Variants in CCDC25 observed in about 807,000 individuals in gnomAD.
CCDC25 encodes the protein coiled-coil domain-containing protein 25.
In CCDC25, 16 loss-of-function variants were observed where a neutral mutation model predicts 35.3. The ratio of observed to expected loss-of-function variants is 0.45; its 90% CI spans 0.31 to 0.69. CCDC25 has a LOEUF of 0.69. Among genes scored for constraint, CCDC25 ranks in the 30% least tolerant of loss-of-function variants. CCDC25 has a pLI of 0.06. For missense variants in CCDC25, 179 were observed against 250.7 expected, an observed-to-expected ratio of 0.71 and a Z score of 1.93; for synonymous variants, 79 against 80.3, an observed-to-expected ratio of 0.98 and a Z score of 0.09.
chr8:27,738,112 G>A (rs1585337859), intron 8 of CCDC25, among the ~76,000 whole-genome samples: 1 of 152,058 alleles, frequency 6.6e-6, no homozygotes, highest in East Asian at 1.9e-4. Flanking sequence ...GGGACTTAGG[G>A]GGAAGAGTGG....
chr8:27,764,801 C>T (rs543938178), intron 2 of CCDC25, among the ~76,000 whole-genome samples: 1 of 152,350 alleles, frequency 6.6e-6, no homozygotes, highest in East Asian at 1.9e-4. Context: ...TATCTCTGAT[C>T]TGTCTACTTC....
chr8:27,747,962 A>C, intron 7 of CCDC25, 115 bp downstream of exon 7: 1 of 996,494 alleles, frequency 1.0e-6, no homozygotes, highest in South Asian at 1.6e-5. Context: ...GCTTAAGCTG[A>C]GCTTGTTACA....
intron 8 of CCDC25, among the ~76,000 whole-genome samples, chr8:27,739,970 C>A (rs1182307748): frequency 6.6e-6 from 1 of 152,108 alleles, no homozygotes; most frequent in African/African-American, 2.4e-5. Context: ...CATAGGTCAC[C>A]ATCTGTTTCT....
intron 1 of CCDC25, among the ~76,000 whole-genome samples, chr8:27,771,382 C>A (rs1040520088): frequency 3.9e-5 from 6 of 152,184 alleles, no homozygotes; most frequent in Admixed American, 1.3e-4. Context: ...CGCATGGCTA[C>A]TGGTATTCCC....
At chr8:27,746,409 A>G (rs1803603598) in intron 7 of CCDC25, among the ~76,000 whole-genome samples, 1 of 152,216 alleles carries the variant, frequency 6.6e-6, no homozygotes, top group Non-Finnish European at 1.5e-5. Context: ...CAGATGGAAA[A>G]TGTTCAGAAG....
At chr8:27,755,927 C>T in intron 4 of CCDC25, among the ~76,000 whole-genome samples, 1 of 152,174 alleles carries the variant, frequency 6.6e-6, no homozygotes, top group Non-Finnish European at 1.5e-5. Context: ...TAATATGGTA[C>T]TCTAGACTGG....
At chr8:27,758,991 A>G (rs1349200857) in intron 3 of CCDC25, among the ~76,000 whole-genome samples, 1 of 152,210 alleles carries the variant, frequency 6.6e-6, no homozygotes, top group Non-Finnish European at 1.5e-5. Flanking sequence ...GAAAAAAAAA[A>G]TCCAGCTCTA....
intron 1 of CCDC25, among the ~76,000 whole-genome samples, chr8:27,765,778 G>C (rs17478353): frequency 0.26 from 39,386 of 152,050 alleles, 6,158 homozygotes; most frequent in Middle Eastern, 0.36. Context: ...CATTCAGGGA[G>C]ACCATGACTC....
intron 7 of CCDC25, among the ~76,000 whole-genome samples, chr8:27,741,547 G>A (rs558617327): frequency 2.0e-4 from 30 of 152,078 alleles, no homozygotes; most frequent in Non-Finnish European, 3.2e-4. Flanking sequence ...GCGTGGTGGC[G>A]TGCACCTGTA....
chr8:27,765,563 T>G (rs1262377610), intron 1 of CCDC25, among the ~76,000 whole-genome samples: 2 of 152,126 alleles, frequency 1.3e-5, no homozygotes, highest in Non-Finnish European at 2.9e-5. Context: ...ACTTTCCTAC[T>G]TTCTCAGGGT....
At chr8:27,759,034 AAAG>A (rs1197966667) in intron 3 of CCDC25, among the ~76,000 whole-genome samples, 1 of 152,234 alleles carries the variant, frequency 6.6e-6, no homozygotes. Flanking sequence ...TTTCCTTAAA[AAAG>A]AAGCAAACGA....
At chr8:27,748,925 T>C (rs1803700441) in intron 5 of CCDC25, among the ~76,000 whole-genome samples, 1 of 152,038 alleles carries the variant, frequency 6.6e-6, no homozygotes, top group South Asian at 2.1e-4. Context: ...TTTCCTCAGA[T>C]TCTCAAAGAA....
chr8:27,762,841 T>C, intron 2 of CCDC25, among the ~76,000 whole-genome samples: 1 of 152,170 alleles, frequency 6.6e-6, no homozygotes, highest in African/African-American at 2.4e-5. Context: ...ATTTTACTTC[T>C]TTAAGAAAAA....
rs556995807 is a variant in CCDC25 at position 27,735,355 on chromosome 8, T to C, written c.*861A>G. ...GGTGTGAGTAAAATGCTTAGTTCCT[T>C]CTAAAATCATAATTGCAATATGGAC... On this transcript the variant is annotated 3_prime_UTR_variant, in exon 9 of 9. Coordinates refer to ENST00000356537, the MANE Select transcript of CCDC25 (RefSeq NM_018246.3). 2 of 152,482 alleles carry C rather than the reference T, an allele frequency of 1.3e-5. No individual in the cohort carries two copies. The highest frequency in any genetic ancestry group is 4.8e-5 in the African/African-American group (2 of 41,570). 9.4% of individuals were successfully genotyped at this position (152,482 alleles called of 1,614,324 possible).
chr8:27,743,914 T>G (rs1423435902), intron 7 of CCDC25, among the ~76,000 whole-genome samples: 1 of 152,170 alleles, frequency 6.6e-6, no homozygotes, highest in African/African-American at 2.4e-5. Context: ...ATACCAATTG[T>G]TTTTAGTTTT....
At chr8:27,766,165 G>C (rs1804393654) in intron 1 of CCDC25, among the ~76,000 whole-genome samples, 1 of 152,182 alleles carries the variant, frequency 6.6e-6, no homozygotes, top group Non-Finnish European at 1.5e-5. Context: ...TGGGCCCTCA[G>C]GCTACAAAGC....
intron 1 of CCDC25, among the ~76,000 whole-genome samples, chr8:27,769,109 C>A (rs1804500221): frequency 6.6e-6 from 1 of 152,154 alleles, no homozygotes; most frequent in Non-Finnish European, 1.5e-5. Context: ...AAATTCATTT[C>A]CTGAAGATTC....
intron 8 of CCDC25, among the ~76,000 whole-genome samples, chr8:27,739,241 A>T (rs1243825547): frequency 6.6e-6 from 1 of 152,248 alleles, no homozygotes; most frequent in Non-Finnish European, 1.5e-5. Flanking sequence ...GGAATAAATT[A>T]TAAAGAAACA....
At chr8:27,748,770 G>A (rs1365133263) in intron 5 of CCDC25, among the ~76,000 whole-genome samples, 172 bp from the exon 6 acceptor site, 1 of 152,170 alleles carries the variant, frequency 6.6e-6, no homozygotes, top group African/African-American at 2.4e-5. Flanking sequence ...AAAGGCAAAT[G>A]GTAAAGCTGA....
Sources: gnomAD v4.1 joint callset for allele counts (sites outside exome capture counted in the v4.1 genomes callset) on GRCh38, gnomAD v4.1.1 for gene constraint, MANE v1.5 for transcripts, NCBI Gene and HGNC (gene_info 2026-07-23, HGNC 2026-07-21) for gene names.